Variants in SEMA3E observed in about 807,000 individuals in gnomAD.
SEMA3E encodes semaphorin 3E.
Under a neutral mutation model 93.6 loss-of-function variants are expected in SEMA3E, and 49 were observed. That is an observed-to-expected ratio of 0.52 (90% CI 0.42 to 0.66). SEMA3E has a LOEUF of 0.66. Among genes scored for constraint, SEMA3E ranks in the 30% least tolerant of loss-of-function variants. SEMA3E has a pLI of 0.00. For missense variants in SEMA3E, 906 were observed against 964.8 expected (o/e 0.94, Z 0.81); for synonymous variants, 363 against 330.7 (o/e 1.10, Z -1.06).
chr7:83,416,049 G>A (rs1788532403), intron 5 of SEMA3E, among the ~76,000 whole-genome samples: 1 of 152,006 alleles, frequency 6.6e-6, no homozygotes, highest in South Asian at 2.1e-4. Flanking sequence ...TCAATTGGGT[G>A]AATTATTTTC....
intron 1 of SEMA3E, among the ~76,000 whole-genome samples, chr7:83,521,977 G>T (rs1200247255): frequency 1.3e-5 from 2 of 152,050 alleles, no homozygotes; most frequent in African/African-American, 4.8e-5. Flanking sequence ...ATGGCACTCA[G>T]GGCAGAGACA....
At chr7:83,590,471 T>G (rs1246042225) in intron 1 of SEMA3E, among the ~76,000 whole-genome samples, 1 of 152,174 alleles carries the variant, frequency 6.6e-6, no homozygotes, top group Non-Finnish European at 1.5e-5. Context: ...CTATTTTGTC[T>G]GAGTGTTCAC....
intron 1 of SEMA3E, among the ~76,000 whole-genome samples, chr7:83,570,552 C>CAAAAAAAA (rs59715914): frequency 0.085 from 2,786 of 32,644 alleles, 273 homozygotes; most frequent in African/African-American, 0.2. Flanking sequence ...GACTCCGTCT[C>CAAAAAAAA]AAAAAAAAAA....
At chr7:83,534,961 A>G (rs3801531) in intron 1 of SEMA3E, among the ~76,000 whole-genome samples, 80,092 of 152,004 alleles carry the variant, frequency 0.53, 23,441 homozygotes, top group Middle Eastern at 0.7. Flanking sequence ...ATTCCTCTGC[A>G]GGAATCAAGC....
chr7:83,591,666 G>T lies in SEMA3E; in HGVS notation c.115+56762C>A, dbSNP rs1171710335. Among the ~76,000 whole-genome samples, 6 of 152,036 alleles carry T rather than the reference G, an allele frequency of 3.9e-5. No individual in the cohort carries two copies. In the East Asian group the frequency reaches 1.2e-3, roughly 29 times the overall value. ...ATTTTTTGTAGGCAAAATATTCACA[G>T]ATGGGCAATCTCACAAGGTTTGAAC... On this transcript the variant is annotated intron_variant, in intron 1 of 16. Transcript: ENST00000643230.
At chr7:83,530,932 G>C (rs975335042) in intron 1 of SEMA3E, among the ~76,000 whole-genome samples, 1 of 152,018 alleles carries the variant, frequency 6.6e-6, no homozygotes, top group Non-Finnish European at 1.5e-5. Context: ...ATTTGATGTA[G>C]TTTGTATTTT....
Position 83,408,380 on chromosome 7 carries a change from G to C in SEMA3E, c.658C>G (p.Arg220Gly). 1.2e-6 allele frequency: 2 copies of C among 1,613,618 alleles called. No homozygotes were observed. The highest frequency in any genetic ancestry group is 1.7e-6 in the Non-Finnish European group (2 of 1,179,804). The change falls in exon 6 of 17, where the codon CGT (arginine) becomes GGT (glycine). Residue 220 changes from arginine (R) to glycine (G), a missense_variant. Transcript: ENST00000643230. ...TCCTCATCCTTACCTTTCAACAGAC[G>C]CTCATCGTCATGCTCAGTGCGGATA... is the stretch of plus-strand genomic sequence containing the variant. ...AHIRTEHDDE[R>G]LLKEPKFVGS...
chr7:83,610,697 A>C (rs1196436541), intron 1 of SEMA3E, among the ~76,000 whole-genome samples: 3 of 152,094 alleles, frequency 2.0e-5, no homozygotes, highest in Non-Finnish European at 4.4e-5. Context: ...ACTTTAAAGA[A>C]GTGATTAAGC....
In SEMA3E at chr7:83,635,235, G is replaced by A. The variant is rs187576568; in HGVS notation, c.115+13193C>T. Among the ~76,000 whole-genome samples the A allele has an allele frequency of 1.2e-4, 18 of 151,638 alleles. No individual in the cohort carries two copies. In the East Asian group the frequency reaches 3.5e-3, roughly 29 times the overall value. The stretch of plus-strand genomic sequence containing the variant: ...GGATCAGGAAAAATAAGTTATGTCA[G>A]TTTCATCAATAATACGCTGTTTTCA... On this transcript the variant is annotated intron_variant, in intron 1 of 16. Coordinates refer to ENST00000643230, the MANE Select transcript of SEMA3E (RefSeq NM_012431.3).
chr7:83,522,579 G>C (rs892889199), intron 1 of SEMA3E, among the ~76,000 whole-genome samples: 7 of 151,920 alleles, frequency 4.6e-5, no homozygotes, highest in Non-Finnish European at 8.8e-5. Flanking sequence ...AACTTTACCA[G>C]TGTTTCCTGA....
chr7:83,490,414 A>G, intron 1 of SEMA3E, 140 bp from the exon 2 acceptor site: 1 of 781,578 alleles, frequency 1.3e-6, no homozygotes, highest in Non-Finnish European at 2.1e-6. Context: ...CTGGCAAAGA[A>G]TTTTAATGTG....
chr7:83,588,917 A>G (rs2115937574), intron 1 of SEMA3E, among the ~76,000 whole-genome samples: 1 of 152,246 alleles, frequency 6.6e-6, no homozygotes. Context: ...GATGCCCCCA[A>G]GAAAGGCTGA....
At chr7:83,467,545 G>A (rs975642189) in intron 3 of SEMA3E, among the ~76,000 whole-genome samples, 2 of 152,138 alleles carry the variant, frequency 1.3e-5, no homozygotes, top group Admixed American at 1.3e-4. Context: ...AACTTTTTCT[G>A]TAAAGGACGA....
At chr7:83,461,848 C>A (rs1198743565) in intron 4 of SEMA3E, among the ~76,000 whole-genome samples, 1 of 152,190 alleles carries the variant, frequency 6.6e-6, no homozygotes, top group Non-Finnish European at 1.5e-5. Context: ...CAAACCCCAG[C>A]CACATCTCCA....
At chr7:83,588,552 T>C (rs1192159734) in intron 1 of SEMA3E, among the ~76,000 whole-genome samples, 1 of 152,152 alleles carries the variant, frequency 6.6e-6, no homozygotes, top group Non-Finnish European at 1.5e-5. Flanking sequence ...ATAATTAGAA[T>C]ATTAAAGCAA....
intron 4 of SEMA3E, among the ~76,000 whole-genome samples, chr7:83,436,703 T>G (rs1400548399): frequency 6.6e-6 from 1 of 152,022 alleles, no homozygotes; most frequent in Non-Finnish European, 1.5e-5. Context: ...TCAAACCCAA[T>G]GGTGCATAAT....
intron 16 of SEMA3E, chr7:83,372,099 T>A (rs941968702): frequency 2.5e-6 from 1 of 392,760 alleles, no homozygotes; most frequent in Non-Finnish European, 4.5e-6. Flanking sequence ...AACATACTAA[T>A]TCATTTTTAG....
chr7:83,539,233 G>A (rs2115755485), intron 1 of SEMA3E, among the ~76,000 whole-genome samples: 1 of 152,260 alleles, frequency 6.6e-6, no homozygotes, highest in Non-Finnish European at 1.5e-5. Context: ...ATTTCAACAT[G>A]CTCTAGTAAA....
chr7:83,456,123 G>C (rs562213562), intron 4 of SEMA3E, among the ~76,000 whole-genome samples: 1 of 152,186 alleles, frequency 6.6e-6, no homozygotes, highest in Non-Finnish European at 1.5e-5. Context: ...TGCTAAAGTC[G>C]TCTCATTCTT....
Sources: gnomAD v4.1 joint callset for allele counts (sites outside exome capture counted in the v4.1 genomes callset) on GRCh38, gnomAD v4.1.1 for gene constraint, MANE v1.5 for transcripts, NCBI Gene and HGNC (gene_info 2026-07-23, HGNC 2026-07-21) for gene names.